CCDC171: variants seen among roughly 807,000 people sequenced by gnomAD.
The protein encoded by CCDC171 is coiled-coil domain-containing protein 171.
CCDC171 carries 177 observed loss-of-function variants against 168.2 expected under a neutral mutation model. The observed-to-expected ratio is 1.05, with a 90% CI of 0.93 to 1.19. CCDC171 has a LOEUF of 1.19. CCDC171 is among the 50% of genes most tolerant of loss of function. The pLI, the probability that CCDC171 is intolerant of heterozygous loss-of-function variation, is 0.00. For synonymous variants in CCDC171, 687 were observed against 540.8 expected (o/e 1.27, Z -3.75); for missense variants, 1,991 against 1,539.0 (o/e 1.29, Z -4.91).
At chr9:15,880,623 ATTGTTT>A (rs777750983) in intron 24 of CCDC171, among the ~76,000 whole-genome samples, 2 of 72,386 alleles carry the variant, frequency 2.8e-5, no homozygotes, top group Non-Finnish European at 5.7e-5. Context: ...TGCCCGCCTA[ATTGTTT>A]TTTTTTTTTT....
At chr9:16,032,883 C>T (rs1187225230) in intron 6 of CCDC171, among the ~76,000 whole-genome samples, 1 of 152,172 alleles carries the variant, frequency 6.6e-6, no homozygotes, top group Non-Finnish European at 1.5e-5. Flanking sequence ...GGGACAAATG[C>T]ACAGGCTCTC....
chr9:15,789,393 C>T (rs1044018558), intron 21 of CCDC171, among the ~76,000 whole-genome samples: 5 of 152,108 alleles, frequency 3.3e-5, no homozygotes, highest in Admixed American at 1.3e-4. Flanking sequence ...GCTTTGGGTT[C>T]CACCAGCAGA....
At chr9:16,047,135 C>G (rs1434394150) in intron 1 of CCDC171, among the ~76,000 whole-genome samples, 1 of 152,202 alleles carries the variant, frequency 6.6e-6, no homozygotes, top group Non-Finnish European at 1.5e-5. Flanking sequence ...TGGCAGCTTT[C>G]AAGTCTGATC....
chr9:15,905,099 A>G (rs1474183721), intron 24 of CCDC171, among the ~76,000 whole-genome samples: 1 of 152,244 alleles, frequency 6.6e-6, no homozygotes, highest in Admixed American at 6.5e-5. Context: ...CACTGTCAAC[A>G]TTAGACAGAT....
chr9:15,894,203 A>T (rs1820583209), intron 24 of CCDC171, among the ~76,000 whole-genome samples: 1 of 152,166 alleles, frequency 6.6e-6, no homozygotes, highest in South Asian at 2.1e-4. Context: ...GCATGTTCTT[A>T]CTTATAAGTG....
At position 15,583,812 on chromosome 9, in the gene CCDC171, A is replaced by T. The variant is rs546330537; in HGVS notation, c.352+4789A>T. On this transcript the variant is annotated intron_variant, in intron 4 of 25. Transcript: ENST00000380701. ...AATGTGAAAAAAATTGTCCTTGATT[A>T]AAAAAAAAAGTGTTTTTGTTAACTT... 3.1e-3 allele frequency among the ~76,000 whole-genome samples: 455 copies of T among 147,954 alleles called. 2 individuals carry two copies. Among genetic ancestry groups the T allele is most frequent in the Middle Eastern group, 0.024 (7 of 288 alleles).
At position 15,723,693 on chromosome 9, in the gene CCDC171, A is replaced by G. The variant is rs1163214383; in HGVS notation, c.1438A>G (p.Asn480Asp). The part of the protein sequence containing the change: ...EDASNEEKAC[N>D]ELDSTKQKID... ...GAATGATGTTAAGGAAAAGGCATGT[A>G]ATGAACTTGATTCTACGAAACAGAA... The change falls in exon 13 of 26, where the codon AAT becomes GAT. Residue 480 changes from asparagine to aspartate, a missense_variant. By Grantham distance (23) the Asn-to-Asp change is conservative. Coordinates refer to ENST00000380701, the MANE Select transcript of CCDC171 (RefSeq NM_173550.4). The G allele has an allele frequency of 1.9e-6, 3 of 1,593,350 alleles. No individual in the cohort carries two copies. The highest frequency in any genetic ancestry group is 2.6e-6 in the Non-Finnish European group (3 of 1,167,382).
upstream of CCDC171, among the ~76,000 whole-genome samples, chr9:16,038,958 T>C (rs1833526374): frequency 6.7e-6 from 1 of 150,072 alleles, no homozygotes; most frequent in Non-Finnish European, 1.5e-5. Flanking sequence ...TTATACAAAA[T>C]GTAACACTTT....
chr9:15,665,521 C>A (rs1383139820), intron 8 of CCDC171, among the ~76,000 whole-genome samples: 2 of 152,208 alleles, frequency 1.3e-5, no homozygotes, highest in African/African-American at 2.4e-5. Flanking sequence ...CGGCTCATGC[C>A]TGTAATCTCA....
chr9:15,632,511 A>G (rs1205109919), intron 7 of CCDC171, among the ~76,000 whole-genome samples: 2 of 152,108 alleles, frequency 1.3e-5, no homozygotes, highest in African/African-American at 4.8e-5. Flanking sequence ...ACTGCTCAAC[A>G]AAATAAAAGA....
intron 7 of CCDC171, among the ~76,000 whole-genome samples, chr9:15,634,198 C>G (rs552345668): frequency 6.6e-6 from 1 of 150,976 alleles, no homozygotes; most frequent in African/African-American, 2.4e-5. Context: ...GAAAGCAGAA[C>G]CCAAACACAC....
In CCDC171 at chr9:15,905,375, C is replaced by A. The variant is rs980013542; in HGVS notation, c.3601-14895C>A. ...AACTCGGGATTCAGAAGCTCACTCA[C>A]AACCGCTCAACTACATGGAAACTGA... On this transcript the variant is annotated intron_variant, in intron 24 of 25. Coordinates refer to ENST00000380701, the MANE Select transcript of CCDC171 (RefSeq NM_173550.4). Among the ~76,000 whole-genome samples the A allele has an allele frequency of 2.0e-5, 3 of 152,270 alleles. No homozygotes were observed. In the East Asian group the frequency reaches 5.8e-4, roughly 29 times the overall value.
intron 21 of CCDC171, among the ~76,000 whole-genome samples, chr9:15,788,314 G>A (rs969691174): frequency 3.3e-5 from 5 of 152,090 alleles, no homozygotes; most frequent in African/African-American, 1.2e-4. Flanking sequence ...ATGTTTATGA[G>A]AATGAATTAA....
At chr9:15,878,297 A>G (rs1489973745) in intron 24 of CCDC171, among the ~76,000 whole-genome samples, 1 of 152,126 alleles carries the variant, frequency 6.6e-6, no homozygotes, top group Non-Finnish European at 1.5e-5. Flanking sequence ...CAACCCCATT[A>G]AAAAGTGGGC....
rs549546486 is a variant in CCDC171 at position 15,598,105 on chromosome 9, G to A, written c.675+3933G>A. 1.1e-4 allele frequency among the ~76,000 whole-genome samples: 17 copies of A among 152,086 alleles called. No homozygotes were observed. The South Asian group carries it at 3.5e-3, about 32-fold the overall frequency. The stretch of plus-strand genomic sequence containing the variant: ...TGATCTTTTCAAAAAACCACCTCCT[G>A]GATTCATTGATTTTTTGAAGGGTTT... On this transcript the variant is annotated intron_variant, in intron 6 of 25. Coordinates refer to ENST00000380701, the MANE Select transcript of CCDC171 (RefSeq NM_173550.4).
At chr9:15,695,962 G>T (rs530231059) in intron 11 of CCDC171, among the ~76,000 whole-genome samples, 2 of 152,232 alleles carry the variant, frequency 1.3e-5, no homozygotes, top group South Asian at 2.1e-4. Context: ...AATGAATTCT[G>T]TTCACTATTT....
downstream of CCDC171, among the ~76,000 whole-genome samples, chr9:15,974,971 G>A (rs140626820): frequency 1.2e-4 from 19 of 152,042 alleles, 1 homozygote; most frequent in African/African-American, 4.1e-4. Flanking sequence ...CTCTCACAAC[G>A]TTGCCCAGGC....
chr9:15,825,585 C>G (rs2059978002), intron 21 of CCDC171, among the ~76,000 whole-genome samples: 2 of 152,068 alleles, frequency 1.3e-5, no homozygotes, highest in South Asian at 4.1e-4. Flanking sequence ...GATTTAGTGG[C>G]TAGGGAGAAA....
intron 6 of CCDC171, among the ~76,000 whole-genome samples, chr9:15,601,479 TGTTTGTA>T (rs2042847245): frequency 6.6e-6 from 1 of 152,216 alleles, no homozygotes; most frequent in Non-Finnish European, 1.5e-5. Context: ...TCTTGTATTC[TGTTTGTA>T]GTTTGTGTAG....
Sources: gnomAD v4.1 joint callset for allele counts (sites outside exome capture counted in the v4.1 genomes callset) on GRCh38, gnomAD v4.1.1 for gene constraint, MANE v1.5 for transcripts, NCBI Gene and HGNC (gene_info 2026-07-23, HGNC 2026-07-21) for gene names.